TSGA10: variants seen among roughly 807,000 people sequenced by gnomAD.
The protein encoded by TSGA10 is testis-specific gene 10 protein.
In TSGA10, 43 loss-of-function variants were observed where a neutral mutation model predicts 96.6. The observed-to-expected ratio is 0.44, with a 90% CI of 0.35 to 0.57. The LOEUF (loss-of-function observed/expected upper bound fraction) is 0.57. Ranked by LOEUF, TSGA10 falls within the 20% of genes least tolerant of loss-of-function variation. The probability of loss-of-function intolerance (pLI) is 0.01; values close to 1 mark genes in which losing one functional copy is unlikely to be tolerated. For synonymous variants in TSGA10, 229 were observed against 269.9 expected (o/e 0.85, Z 1.48); for missense variants, 703 against 834.4 (o/e 0.84, Z 1.94).
intron 20 of TSGA10, among the ~76,000 whole-genome samples, chr2:99,005,176 A>G (rs2078348073): frequency 6.6e-6 from 1 of 152,236 alleles, no homozygotes; most frequent in South Asian, 2.1e-4. Context: ...ACAAACCCAC[A>G]GCCAGTATCA....
rs897144753 is a variant in TSGA10 at position 99,104,128 on chromosome 2, T to C, written c.460-10A>G. The stretch of plus-strand genomic sequence containing the variant: ...TACGTTCATCATCAAGCTATACAAG[T>C]AGAATGACAAGGTTACTGCCATCAC... On this transcript the variant is annotated splice_polypyrimidine_tract_variant and intron_variant, in intron 9 of 20. Transcript: ENST00000393483. The C allele has an allele frequency of 6.2e-7, 1 of 1,612,996 alleles. No homozygotes were observed. The highest frequency in any genetic ancestry group is 1.3e-5 in the African/African-American group (1 of 75,008).
chr2:99,080,890 A>G (rs913047562), intron 11 of TSGA10, among the ~76,000 whole-genome samples: 1 of 152,170 alleles, frequency 6.6e-6, no homozygotes, highest in Non-Finnish European at 1.5e-5. Context: ...CCCCTTGGTG[A>G]TAAGTGAGTT....
chr2:99,014,029 T>G (rs1316845442), intron 20 of TSGA10, among the ~76,000 whole-genome samples: 1 of 152,022 alleles, frequency 6.6e-6, no homozygotes, highest in African/African-American at 2.4e-5. Flanking sequence ...GTAGCAGACG[T>G]CTGTAATCTC....
intron 2 of TSGA10, among the ~76,000 whole-genome samples, chr2:99,122,133 C>A (rs939811755): frequency 2.6e-5 from 4 of 152,184 alleles, no homozygotes; most frequent in Non-Finnish European, 4.4e-5. Context: ...ATGTATCTAT[C>A]CCTCACCAAT....
intron 1 of TSGA10, among the ~76,000 whole-genome samples, chr2:99,140,776 G>C (rs952972574): frequency 1.3e-5 from 2 of 152,124 alleles, no homozygotes; most frequent in Non-Finnish European, 2.9e-5. Flanking sequence ...AGAGCTTCCA[G>C]AGCGTTTCTA....
intron 10 of TSGA10, 52 bp downstream of exon 10, chr2:99,103,915 C>T (rs1429633974): frequency 1.3e-6 from 2 of 1,560,688 alleles, no homozygotes; most frequent in African/African-American, 2.7e-5. Context: ...CTATAAAAAG[C>T]AGAGCTATAG....
chr2:99,008,792 G>C (rs878960861), intron 20 of TSGA10, among the ~76,000 whole-genome samples: 2 of 152,162 alleles, frequency 1.3e-5, no homozygotes, highest in Admixed American at 1.3e-4. Context: ...TAGGAGGTGG[G>C]TTGCATAACT....
chr2:99,153,836 G>A (rs532168024), intron 1 of TSGA10, among the ~76,000 whole-genome samples: 2 of 152,276 alleles, frequency 1.3e-5, no homozygotes, highest in South Asian at 2.1e-4. Flanking sequence ...GTCATTTACC[G>A]TATCAGCATC....
intron 1 of TSGA10, chr2:99,150,355 C>T: frequency 1.8e-6 from 1 of 550,430 alleles, no homozygotes; most frequent in Non-Finnish European, 3.1e-6. Context: ...AATGTAAACA[C>T]TGAAAGGTAG....
chr2:99,041,191 C>T (rs1208132912), intron 16 of TSGA10, among the ~76,000 whole-genome samples: 1 of 152,228 alleles, frequency 6.6e-6, no homozygotes, highest in Non-Finnish European at 1.5e-5. Flanking sequence ...GTAAGGATGA[C>T]CCAAATGCAT....
intron 7 of TSGA10, among the ~76,000 whole-genome samples, chr2:99,106,418 T>G (rs958111512): frequency 6.6e-6 from 1 of 152,122 alleles, no homozygotes; most frequent in South Asian, 2.1e-4. Context: ...TTTCTTCTCA[T>G]CTTGAATAGT....
At chr2:99,149,592 G>A (rs2093669349) in intron 1 of TSGA10, among the ~76,000 whole-genome samples, 1 of 150,790 alleles carries the variant, frequency 6.6e-6, no homozygotes, top group South Asian at 2.1e-4. Flanking sequence ...ACAGGTGCCC[G>A]CCACCACGCC....
intron 2 of TSGA10, among the ~76,000 whole-genome samples, chr2:99,120,040 T>TTA (rs2092489031): frequency 6.6e-6 from 1 of 152,154 alleles, no homozygotes; most frequent in South Asian, 2.1e-4. Flanking sequence ...ATAAAGCCTC[T>TTA]TATATAAGTT....
chr2:99,147,527 A>C lies in TSGA10; in HGVS notation c.-621+7166T>G, dbSNP rs773289663. 3 of 1,597,840 alleles carry C rather than the reference A, an allele frequency of 1.9e-6. No homozygotes were observed. The African/African-American group carries it at 4.0e-5, about 21-fold the overall frequency. ...CACAGGGCCAAGTCTACCCTATTAT[A>C]CTTGGTTCCTCCTCAGTCCTTTTAT... On this transcript the variant is annotated intron_variant, in intron 1 of 20. Transcript: ENST00000393483.
chr2:99,065,187 T>C (rs2085131062), intron 15 of TSGA10, 63 bp from the exon 16 acceptor site: 1 of 1,538,280 alleles, frequency 6.5e-7, no homozygotes, highest in East Asian at 2.3e-5. Flanking sequence ...TTAAACATTA[T>C]TATCCAAGTC....
At chr2:99,004,029 A>T (rs542417637) in intron 20 of TSGA10, among the ~76,000 whole-genome samples, 7 of 152,314 alleles carry the variant, frequency 4.6e-5, no homozygotes, top group African/African-American at 1.4e-4. Flanking sequence ...TGAAAAGATC[A>T]ACAAAATTGA....
intron 20 of TSGA10, among the ~76,000 whole-genome samples, chr2:99,007,222 C>A (rs2078575862): frequency 6.6e-6 from 1 of 152,062 alleles, no homozygotes; most frequent in Non-Finnish European, 1.5e-5. Flanking sequence ...AGCACAGCAA[C>A]ATGGCACATG....
chr2:99,087,830 C>A (rs1402025412), intron 10 of TSGA10, among the ~76,000 whole-genome samples: 1 of 151,916 alleles, frequency 6.6e-6, no homozygotes, highest in Non-Finnish European at 1.5e-5. Flanking sequence ...CAATAAAAAC[C>A]ACCAAGCAAA....
At chr2:99,047,945 A>G (rs191395457) in intron 16 of TSGA10, among the ~76,000 whole-genome samples, 189 of 152,342 alleles carry the variant, frequency 1.2e-3, no homozygotes, top group African/African-American at 4.5e-3. Context: ...ACTGAGGGCT[A>G]AATCATGAGT....
Sources: gnomAD v4.1 joint callset for allele counts (sites outside exome capture counted in the v4.1 genomes callset) on GRCh38, gnomAD v4.1.1 for gene constraint, MANE v1.5 for transcripts, NCBI Gene and HGNC (gene_info 2026-07-23, HGNC 2026-07-21) for gene names.